The following NELFCD variants were observed in gnomAD, a reference collection of about 807,000 sequenced individuals.
NELFCD encodes negative elongation factor complex member C/D.
NELFCD carries 48 observed loss-of-function variants against 72.9 expected under a neutral mutation model. The ratio of observed to expected loss-of-function variants is 0.66; its 90% CI spans 0.52 to 0.84. The LOEUF (loss-of-function observed/expected upper bound fraction) is 0.84. Among genes scored for constraint, NELFCD ranks in the 40% least tolerant of loss-of-function variants. NELFCD has a pLI of 0.00. For missense variants in NELFCD, 538 were observed against 723.8 expected, an observed-to-expected ratio of 0.74 and a Z score of 2.94; for synonymous variants, 297 against 280.6, an observed-to-expected ratio of 1.06 and a Z score of -0.59.
In NELFCD at chr20:58,986,305, C is replaced by A; in HGVS notation, c.176+97C>A. 2.5e-6 allele frequency: 2 copies of A among 814,704 alleles called. No individual in the cohort carries two copies. Among genetic ancestry groups the A allele is most frequent in the Non-Finnish European group, 4.1e-6 (2 of 483,940 alleles). 50.5% of individuals were successfully genotyped at this position (814,704 alleles called of 1,614,324 possible). A position where few individuals can be genotyped will look rare whatever the true frequency, so the allele number is the denominator to read the frequency against. ...AAGGTGCTATGTAAAGCAAGAGTAA[C>A]GCGAACTGAACTAAAGGCTTCAAGG... On this transcript the variant is annotated intron_variant, in intron 2 of 14. Coordinates refer to ENST00000652272, the MANE Select transcript of NELFCD (RefSeq NM_198976.4). This position sits in a 1 kb window ranked among gnomAD's most constrained non-coding sequence, Gnocchi z 4.4.
At position 58,993,812 on chromosome 20, in the gene NELFCD, A is replaced by G. The variant is rs1212306777; in HGVS notation, c.1581+48A>G. On this transcript the variant is annotated intron_variant, in intron 13 of 14. Coordinates refer to ENST00000652272, the MANE Select transcript of NELFCD (RefSeq NM_198976.4). This position sits in a 1 kb window ranked among gnomAD's most constrained non-coding sequence, Gnocchi z 5.0. Reference sequence around the variant, plus strand: ...CATGTTTCATACTGTTTACACTAGCACTGCCCTTTTTGGCTTAATTTAGTT... The same window carrying G: ...CATGTTTCATACTGTTTACACTAGCGCTGCCCTTTTTGGCTTAATTTAGTT... The G allele has an allele frequency of 6.3e-7, 1 of 1,595,438 alleles. No homozygotes were observed. The highest frequency in any genetic ancestry group is 1.1e-5 in the South Asian group (1 of 89,822).
At position 58,989,860 on chromosome 20, in the gene NELFCD, G is replaced by A; in HGVS notation, c.660G>A (p.Lys220=). The A allele has an allele frequency of 6.2e-7, 1 of 1,614,182 alleles. No individual in the cohort carries two copies. The highest frequency in any genetic ancestry group is 8.5e-7 in the Non-Finnish European group (1 of 1,180,038). ...NLEKNLPEFA[K]MVCHGEHTYL... ...CCTCTCTCCCTGCAATCTTGCAGAA[G>A]ATGGTGTGCCACGGGGAGCACACGT... is the stretch of plus-strand genomic sequence containing the variant. The change falls in exon 7 of 15, where the codon AAG becomes AAA. Residue 220 remains lysine (K), a splice_region_variant and synonymous_variant. Coordinates refer to ENST00000652272, the MANE Select transcript of NELFCD (RefSeq NM_198976.4).
intron 10 of NELFCD, 91 bp from the exon 11 acceptor site, chr20:58,992,907 T>G: frequency 1.1e-6 from 1 of 923,626 alleles, no homozygotes; most frequent in Non-Finnish European, 1.8e-6. Flanking sequence ...TGGAGTCATT[T>G]GAGTTTGTTT....
chr20:58,987,135 T>C (rs1442564967), intron 3 of NELFCD: 3 of 433,290 alleles, frequency 6.9e-6, no homozygotes, highest in South Asian at 2.9e-5. Flanking sequence ...TGTAGAATTA[T>C]AGGATTATAC....
rs1380395761 is a variant in NELFCD at position 58,987,735 on chromosome 20, CTG to C, written c.317_318del (p.Val106GlyfsTer13). The C allele has an allele frequency of 5.6e-6, 9 of 1,614,094 alleles. No homozygotes were observed. The highest frequency in any genetic ancestry group is 4.4e-5 in the South Asian group (4 of 91,096). On this transcript the variant is annotated frameshift_variant, in exon 4 of 15. Transcript: ENST00000652272. LOFTEE classifies it high-confidence loss of function. ...GTTGAGCCAGTGCAGGTTCAGGAAA[CTG>C]TGGAAAATCACTTGAAGAGTTTGCT...
chr20:58,994,769 T>A lies in NELFCD; in HGVS notation c.*93T>A. On this transcript the variant is annotated 3_prime_UTR_variant, in exon 15 of 15. Coordinates refer to ENST00000652272, the MANE Select transcript of NELFCD (RefSeq NM_198976.4). Reference sequence around the variant, plus strand: ...GCTGTTTTAAGAGGCTCGGGCAGCGTCTTGAAAATGGGCACCGCTGGGAGG... The same window carrying A: ...GCTGTTTTAAGAGGCTCGGGCAGCGACTTGAAAATGGGCACCGCTGGGAGG... 2 of 1,040,540 alleles carry A rather than the reference T, an allele frequency of 1.9e-6. No homozygotes were observed. The highest frequency in any genetic ancestry group is 4.7e-5 in the East Asian group (2 of 42,114). 64.5% of individuals were successfully genotyped at this position (1,040,540 alleles called of 1,614,324 possible). A position where few individuals can be genotyped will look rare whatever the true frequency, so the allele number is the denominator to read the frequency against.
chr20:58,991,227 C>T, intron 8 of NELFCD, 85 bp from the exon 9 acceptor site: 1 of 1,591,772 alleles, frequency 6.3e-7, no homozygotes. Flanking sequence ...TGTTGGGCCC[C>T]TGCTGTGTAG....
In NELFCD at chr20:58,994,155, C is replaced by A; in HGVS notation, c.1627C>A (p.Leu543Ile). The change falls in exon 14 of 15, where the codon CTT becomes ATT. Residue 543 changes from leucine to isoleucine, a missense_variant. By Grantham distance (5) the Leu-to-Ile change is conservative. Coordinates refer to ENST00000652272, the MANE Select transcript of NELFCD (RefSeq NM_198976.4). ...APPYTSDFVQLFLPILENDSI... is the reference protein window; with the variant it reads ...APPYTSDFVQIFLPILENDSI... Reference sequence around the variant, plus strand: ...TCCTTATACCTCTGACTTCGTGCAACTTTTCCTCCCCATCCTGGAGAATGA... The same window carrying A: ...TCCTTATACCTCTGACTTCGTGCAAATTTTCCTCCCCATCCTGGAGAATGA... The A allele has an allele frequency of 6.2e-7, 1 of 1,614,220 alleles. No individual in the cohort carries two copies. Among genetic ancestry groups the A allele is most frequent in the Non-Finnish European group, 8.5e-7 (1 of 1,180,012 alleles).
chr20:58,991,415 ACGCAGCAAGCGTG>A lies in NELFCD; in HGVS notation c.1059_1071del (p.Tyr353Ter). 6.2e-7 allele frequency: 1 copy of A among 1,614,262 alleles called. No homozygotes were observed. The highest frequency in any genetic ancestry group is 1.1e-5 in the South Asian group (1 of 91,092). ...CACAAATACATCCACATCTTGGCGT[ACGCAGCAAGCGTG>A]GTTGAGACCTGGAAGAAGGTACCAT... On this transcript the variant is annotated frameshift_variant, in exon 9 of 15. Coordinates refer to ENST00000652272, the MANE Select transcript of NELFCD (RefSeq NM_198976.4). LOFTEE classifies it high-confidence loss of function.
chr20:58,987,989 G>C, intron 4 of NELFCD, 172 bp downstream of exon 4: 1 of 605,578 alleles, frequency 1.7e-6, no homozygotes, highest in South Asian at 2.0e-5. Flanking sequence ...TCTGTACCCA[G>C]GGTCGTGACA....
Position 58,994,955 on chromosome 20 carries a change from G to C in NELFCD, c.*279G>C, listed in dbSNP as rs111278153. The C allele has an allele frequency of 7.6e-3, 3,119 of 410,276 alleles. 72 individuals carry two copies. The highest frequency in any genetic ancestry group is 0.054 in the African/African-American group (2,667 of 48,972). 25.4% of individuals were successfully genotyped at this position (410,276 alleles called of 1,614,324 possible). ...GCGCTGGGCTCCCACGACCCCTCAG[G>C]ACAGATCTGGCCGTCAGCCGCGGGC... is the stretch of plus-strand genomic sequence containing the variant. On this transcript the variant is annotated 3_prime_UTR_variant, in exon 15 of 15. Coordinates refer to ENST00000652272, the MANE Select transcript of NELFCD (RefSeq NM_198976.4).
chr20:58,982,928 G>C (rs1294233198), intron 1 of NELFCD, among the ~76,000 whole-genome samples: 1 of 152,060 alleles, frequency 6.6e-6, no homozygotes, highest in East Asian at 1.9e-4. Flanking sequence ...TATCTGGTAA[G>C]TGTAGAAAAT....
rs550563912 is a variant in NELFCD, at chr20:58,986,499, C to G, written c.177-255C>G. 2.0e-4 allele frequency: 114 copies of G among 558,122 alleles called. No homozygotes were observed. Among genetic ancestry groups the G allele is most frequent in the African/African-American group, 2.0e-3 (107 of 52,594 alleles). The allele number at this position is 558,122 out of a possible 1,614,324, so 34.6% of individuals were successfully genotyped here. A position where few individuals can be genotyped will look rare whatever the true frequency, so the allele number is the denominator to read the frequency against. On this transcript the variant is annotated intron_variant, in intron 2 of 14. Coordinates refer to ENST00000652272, the MANE Select transcript of NELFCD (RefSeq NM_198976.4). This position sits in a 1 kb window ranked among gnomAD's most constrained non-coding sequence, Gnocchi z 4.4. ...CCACCACAGGCGTCTGCCATCATGC[C>G]TGGCTATTTTTGTTTTTGTTTTTTG...
intron 1 of NELFCD, among the ~76,000 whole-genome samples, chr20:58,982,899 A>C (rs1385088978): frequency 6.6e-6 from 1 of 152,136 alleles, no homozygotes; most frequent in Non-Finnish European, 1.5e-5. Flanking sequence ...CAGGATTTTG[A>C]GTTGGGTGTT....
intron 1 of NELFCD, among the ~76,000 whole-genome samples, chr20:58,982,904 G>C (rs2091746122): frequency 6.6e-6 from 1 of 152,028 alleles, no homozygotes; most frequent in Non-Finnish European, 1.5e-5. Context: ...TTTTGAGTTG[G>C]GTGTTACCCT....
chr20:58,985,846 A>G (rs183737833), intron 1 of NELFCD, among the ~76,000 whole-genome samples: 1 of 152,260 alleles, frequency 6.6e-6, no homozygotes, highest in East Asian at 1.9e-4. Context: ...GAGGTTGGGT[A>G]ACTTGTGTGA....
Position 58,993,361 on chromosome 20 carries a change from C to T in NELFCD, c.1345-88C>T. 7.8e-7 allele frequency: 1 copy of T among 1,287,960 alleles called. No homozygotes were observed. Among genetic ancestry groups the T allele is most frequent in the African/African-American group, 1.5e-5 (1 of 68,120 alleles). 79.8% of individuals were successfully genotyped at this position (1,287,960 alleles called of 1,614,324 possible). On this transcript the variant is annotated intron_variant, in intron 11 of 14. Transcript: ENST00000652272. The surrounding 1 kb of genome is among the most constrained non-coding windows in gnomAD (Gnocchi z 5.0). ...CAGGACCTTCTTCCACAGTGATAAG[C>T]TCTTTGGTGGCTGTGACAGTGCCCA...
intron 7 of NELFCD, chr20:58,990,202 G>C (rs1417748268): frequency 1.8e-6 from 1 of 557,214 alleles, no homozygotes; most frequent in African/African-American, 1.9e-5. Context: ...TTTGAGACCA[G>C]CTTGACCAAC....
chr20:58,986,000 C>G, intron 1 of NELFCD, 93 bp from the exon 2 acceptor site: 1 of 856,774 alleles, frequency 1.2e-6, no homozygotes, highest in Non-Finnish European at 2.0e-6. Context: ...GTGTAGAATA[C>G]TTTCAAAATG....
Sources: allele counts gnomAD v4.1 joint callset (sites outside exome capture counted in the v4.1 genomes callset), GRCh38; gene constraint gnomAD v4.1.1; non-coding constraint Gnocchi (gnomAD v3.1); transcripts MANE v1.5; gene names NCBI Gene and HGNC (gene_info 2026-07-23, HGNC 2026-07-21).